Variants in MAPKAP1 observed in about 807,000 individuals in gnomAD.
The protein encoded by MAPKAP1 is target of rapamycin complex 2 subunit MAPKAP1.
Under a neutral mutation model 65.7 loss-of-function variants are expected in MAPKAP1, and 20 were observed. The ratio of observed to expected loss-of-function variants is 0.30; its 90% CI spans 0.21 to 0.44. MAPKAP1 has a LOEUF of 0.44. Ranked by LOEUF, MAPKAP1 falls within the 20% of genes least tolerant of loss-of-function variation. The probability of loss-of-function intolerance (pLI) is 1.00; values close to 1 mark genes in which losing one functional copy is unlikely to be tolerated. For synonymous variants in MAPKAP1, 222 were observed against 244.3 expected (o/e 0.91, Z 0.85); for missense variants, 423 against 648.0 (o/e 0.65, Z 3.77).
chr9:125,626,114 T>G (rs1173906028), intron 4 of MAPKAP1, among the ~76,000 whole-genome samples: 1 of 152,262 alleles, frequency 6.6e-6, no homozygotes, highest in Non-Finnish European at 1.5e-5. Flanking sequence ...ATTCTATCTA[T>G]TCTATAGAAT....
At position 125,438,695 on chromosome 9, in the gene MAPKAP1, C is replaced by A; in HGVS notation, c.*192G>T. The stretch of plus-strand genomic sequence containing the variant: ...AAGCCACTGCCAAGCAGACTTCCGT[C>A]CCATGGCAATGTCCCCAGCGCTCCC... On this transcript the variant is annotated 3_prime_UTR_variant, in exon 12 of 12. Coordinates refer to ENST00000265960, the MANE Select transcript of MAPKAP1 (RefSeq NM_001006617.3). The A allele has an allele frequency of 1.6e-6, 1 of 627,686 alleles. No homozygotes were observed. The highest frequency in any genetic ancestry group is 2.2e-5 in the South Asian group (1 of 44,968). The allele number at this position is 627,686 out of a possible 1,614,324, so 38.9% of individuals were successfully genotyped here.
intron 10 of MAPKAP1, among the ~76,000 whole-genome samples, chr9:125,460,158 T>C (rs1003786378): frequency 6.6e-6 from 1 of 152,094 alleles, no homozygotes; most frequent in Non-Finnish European, 1.5e-5. Flanking sequence ...AAGAATGAAT[T>C]TGAGAAAATG....
chr9:125,659,234 C>T (rs58137828), intron 3 of MAPKAP1, among the ~76,000 whole-genome samples: 2,988 of 152,222 alleles, frequency 0.02, 162 homozygotes, highest in East Asian at 0.15. Flanking sequence ...TAGGTATTTT[C>T]CTCACCTGGC....
At chr9:125,456,555 T>C (rs1021640766) in intron 10 of MAPKAP1, among the ~76,000 whole-genome samples, 2 of 152,232 alleles carry the variant, frequency 1.3e-5, no homozygotes, top group African/African-American at 4.8e-5. Context: ...TAATGAATAA[T>C]ATAGCAGAAG....
chr9:125,670,004 A>G, intron 2 of MAPKAP1, 97 bp from the exon 3 acceptor site: 1 of 692,986 alleles, frequency 1.4e-6, no homozygotes, highest in South Asian at 1.9e-5. Flanking sequence ...GATGTTTTAT[A>G]TTGCATATGT....
intron 3 of MAPKAP1, 143 bp from the exon 4 acceptor site, chr9:125,657,942 T>C (rs1834078317): frequency 1.4e-6 from 1 of 736,616 alleles, no homozygotes; most frequent in Non-Finnish European, 2.2e-6. Context: ...AGCCCCACAA[T>C]ATACCGTGCA....
chr9:125,506,051 G>A lies in MAPKAP1; in HGVS notation c.1066+259C>T, dbSNP rs976294435. ...ATGCTTCTAAGCTGTTTCCAGGGAT[G>A]CTCCCAACTTAGGAAGACAGTTTAA... On this transcript the variant is annotated intron_variant, in intron 8 of 11. Coordinates refer to ENST00000265960, the MANE Select transcript of MAPKAP1 (RefSeq NM_001006617.3). The A allele has an allele frequency of 1.2e-5, 6 of 499,632 alleles. No homozygotes were observed. In the Admixed American group the frequency reaches 1.6e-4, roughly 13 times the overall value. The allele number at this position is 499,632 out of a possible 1,614,324, so 30.9% of individuals were successfully genotyped here.
intron 8 of MAPKAP1, among the ~76,000 whole-genome samples, chr9:125,490,717 T>C (rs1454046455): frequency 6.6e-6 from 1 of 152,200 alleles, no homozygotes; most frequent in Admixed American, 6.5e-5. Flanking sequence ...TTCACATACT[T>C]TAACCAAAGC....
chr9:125,455,912 C>T (rs1456445220), intron 10 of MAPKAP1, among the ~76,000 whole-genome samples: 3 of 152,254 alleles, frequency 2.0e-5, no homozygotes, highest in Non-Finnish European at 4.4e-5. Flanking sequence ...CAGCCTTTCA[C>T]TTCTCATAGT....
chr9:125,621,622 G>C (rs1440675173), intron 4 of MAPKAP1, among the ~76,000 whole-genome samples: 1 of 152,152 alleles, frequency 6.6e-6, no homozygotes, highest in African/African-American at 2.4e-5. Context: ...AATAAAGTCA[G>C]ATAAGAAGTT....
chr9:125,438,748 G>C lies in MAPKAP1; in HGVS notation c.*139C>G. 1 of 1,198,450 alleles carries C rather than the reference G, an allele frequency of 8.3e-7. No homozygotes were observed. 74.2% of individuals were successfully genotyped at this position (1,198,450 alleles called of 1,614,324 possible). A position where few individuals can be genotyped will look rare whatever the true frequency, so the allele number is the denominator to read the frequency against. On this transcript the variant is annotated 3_prime_UTR_variant, in exon 12 of 12. Transcript: ENST00000265960. ...CTAGGGGGCCCCCGACACCTTCCCC[G>C]AGAGCCCACCTGCCCTGTGCCAGTG...
At chr9:125,586,062 C>T (rs962925310) in intron 4 of MAPKAP1, among the ~76,000 whole-genome samples, 1 of 152,104 alleles carries the variant, frequency 6.6e-6, no homozygotes, top group Non-Finnish European at 1.5e-5. Context: ...GACCTTAGCA[C>T]TGGGTGCCTC....
intron 10 of MAPKAP1, among the ~76,000 whole-genome samples, chr9:125,466,751 C>A (rs575671318): frequency 6.6e-6 from 1 of 152,246 alleles, no homozygotes; most frequent in Non-Finnish European, 1.5e-5. Context: ...AGTGGGGTGG[C>A]CTTCCTCCTT....
At chr9:125,590,044 C>A (rs934036263) in intron 4 of MAPKAP1, among the ~76,000 whole-genome samples, 1 of 152,200 alleles carries the variant, frequency 6.6e-6, no homozygotes, top group East Asian at 1.9e-4. Context: ...ATATTACCCT[C>A]CTTTTCAGAC....
intron 10 of MAPKAP1, among the ~76,000 whole-genome samples, chr9:125,461,137 G>GA (rs1853478863): frequency 6.6e-6 from 1 of 152,208 alleles, no homozygotes; most frequent in South Asian, 2.1e-4. Flanking sequence ...GAGGTTACTG[G>GA]AAACCAAACT....
intron 2 of MAPKAP1, among the ~76,000 whole-genome samples, chr9:125,670,433 C>A: frequency 6.6e-6 from 1 of 152,156 alleles, no homozygotes; most frequent in Non-Finnish European, 1.5e-5. Flanking sequence ...AGCTTTTCTT[C>A]AGTGGGCTGA....
At chr9:125,499,248 T>A (rs1233109214) in intron 8 of MAPKAP1, among the ~76,000 whole-genome samples, 1 of 152,232 alleles carries the variant, frequency 6.6e-6, no homozygotes, top group Admixed American at 6.5e-5. Flanking sequence ...GCTGTTCTAA[T>A]CAAACATAGT....
At chr9:125,534,957 A>G (rs1056842742) in intron 7 of MAPKAP1, among the ~76,000 whole-genome samples, 2 of 152,198 alleles carry the variant, frequency 1.3e-5, no homozygotes, top group Non-Finnish European at 2.9e-5. Flanking sequence ...GCTTATCCCA[A>G]CTAAATAGAA....
At chr9:125,485,111 C>T (rs1211751682) in intron 8 of MAPKAP1, among the ~76,000 whole-genome samples, 2 of 152,102 alleles carry the variant, frequency 1.3e-5, no homozygotes, top group Non-Finnish European at 2.9e-5. Context: ...CCCATTCACG[C>T]AGGATAGAAT....
Sources: allele counts gnomAD v4.1 joint callset (sites outside exome capture counted in the v4.1 genomes callset), GRCh38; gene constraint gnomAD v4.1.1; transcripts MANE v1.5; gene names NCBI Gene and HGNC (gene_info 2026-07-23, HGNC 2026-07-21).